Variants in HIPK2 observed in about 807,000 individuals in gnomAD.
The protein encoded by HIPK2 is homeodomain interacting protein kinase 2, also known as homeodomain-interacting protein kinase 2.
HIPK2 carries 27 observed loss-of-function variants against 113.7 expected under a neutral mutation model. The ratio of observed to expected loss-of-function variants is 0.24; its 90% CI spans 0.17 to 0.33. The LOEUF (loss-of-function observed/expected upper bound fraction) is 0.33. HIPK2 is among the 10% of genes least tolerant of loss of function. The pLI, the probability that HIPK2 is intolerant of heterozygous loss-of-function variation, is 1.00. For missense variants in HIPK2, 1,257 were observed against 1,588.0 expected, an observed-to-expected ratio of 0.79 and a Z score of 3.54; for synonymous variants, 631 against 642.2, an observed-to-expected ratio of 0.98 and a Z score of 0.26.
chr7:139,667,925 C>T (rs1211776528), intron 2 of HIPK2, among the ~76,000 whole-genome samples: 2 of 151,518 alleles, frequency 1.3e-5, no homozygotes, highest in African/African-American at 4.9e-5. Context: ...GTCAGGAGTT[C>T]GAGACCAGCC....
intron 2 of HIPK2, among the ~76,000 whole-genome samples, chr7:139,715,172 G>A (rs1448229587): frequency 6.6e-6 from 1 of 152,194 alleles, no homozygotes; most frequent in Non-Finnish European, 1.5e-5. Context: ...CACTGCGGCT[G>A]GCACATATTA....
chr7:139,762,536 T>C (rs1796483472), intron 1 of HIPK2, among the ~76,000 whole-genome samples: 1 of 152,210 alleles, frequency 6.6e-6, no homozygotes. Flanking sequence ...TGTCTCAGAA[T>C]CACCCTTTGA....
intron 6 of HIPK2, among the ~76,000 whole-genome samples, chr7:139,622,538 G>A (rs947714113): frequency 6.6e-6 from 1 of 152,188 alleles, no homozygotes; most frequent in Non-Finnish European, 1.5e-5. Context: ...GAAAGGGCAA[G>A]TCCTTTCACT....
chr7:139,684,983 G>A (rs1367278920), intron 2 of HIPK2, among the ~76,000 whole-genome samples: 1 of 152,138 alleles, frequency 6.6e-6, no homozygotes, highest in African/African-American at 2.4e-5. Flanking sequence ...TGGAAGCTAA[G>A]AGAGGTGAGG....
intron 2 of HIPK2, among the ~76,000 whole-genome samples, chr7:139,665,942 A>G (rs1377128749): frequency 6.9e-6 from 1 of 145,046 alleles, no homozygotes; most frequent in Non-Finnish European, 1.5e-5. Flanking sequence ...GTCAATAAGG[A>G]GGTCTGCCTT....
In HIPK2 at chr7:139,575,269, C is replaced by A. The variant is rs999342280; in HGVS notation, c.2985G>T (p.Ser995=). 1.9e-6 allele frequency: 3 copies of A among 1,573,398 alleles called. No individual in the cohort carries two copies. The highest frequency in any genetic ancestry group is 2.6e-6 in the Non-Finnish European group (3 of 1,159,344). Residue 995 remains serine, a synonymous_variant, in exon 14 of 15, where the codon TCG becomes TCT. Transcript: ENST00000406875. ...TGGAGGACTTGGACTTGTAGGAGGA[C>A]GAGTGGTGACTGGTGTTGACTGTGG... ...SLVPVNTSHH[S]SSYKSKSSSN...
At chr7:139,603,274 T>C (rs969932000) in intron 10 of HIPK2, among the ~76,000 whole-genome samples, 1 of 152,104 alleles carries the variant, frequency 6.6e-6, no homozygotes, top group Non-Finnish European at 1.5e-5. Context: ...GAATGAGAGA[T>C]AGCCCAATAG....
chr7:139,704,908 AC>A (rs759113181), intron 2 of HIPK2, among the ~76,000 whole-genome samples: 43 of 151,910 alleles, frequency 2.8e-4, no homozygotes, highest in Non-Finnish European at 4.7e-4. Flanking sequence ...CAGGAAGTAT[AC>A]CCCCACCTTC....
chr7:139,682,437 T>C (rs1195384376), intron 2 of HIPK2, among the ~76,000 whole-genome samples: 1 of 152,166 alleles, frequency 6.6e-6, no homozygotes, highest in Non-Finnish European at 1.5e-5. Flanking sequence ...TTGAGGCACC[T>C]AGGACAGAGA....
intron 6 of HIPK2, among the ~76,000 whole-genome samples, chr7:139,624,777 C>T (rs1278604908): frequency 6.6e-6 from 1 of 152,214 alleles, no homozygotes; most frequent in Non-Finnish European, 1.5e-5. Context: ...CTGTCTTCTT[C>T]TCTTACCAGC....
intron 1 of HIPK2, among the ~76,000 whole-genome samples, chr7:139,750,128 C>A (rs1289855973): frequency 6.6e-6 from 1 of 152,214 alleles, no homozygotes; most frequent in Non-Finnish European, 1.5e-5. Flanking sequence ...TTTAAAATTG[C>A]AGTATAAAGA....
At position 139,683,607 on chromosome 7, in the gene HIPK2, C is replaced by T. The variant is rs1309955658; in HGVS notation, c.1103+32325G>A. On this transcript the variant is annotated intron_variant, in intron 2 of 14. Transcript: ENST00000406875. This position sits in a 1 kb window ranked among gnomAD's most constrained non-coding sequence, Gnocchi z 4.2. ...TGCCAGATTCTCTGGGTCACACAGA[C>T]CAATCCTGGTGAATACCAGGAGGTG... Among the ~76,000 whole-genome samples, 1 of 152,158 alleles carries T rather than the reference C, an allele frequency of 6.6e-6. No homozygotes were observed. The highest frequency in any genetic ancestry group is 1.5e-5 in the Non-Finnish European group (1 of 68,026).
intron 2 of HIPK2, among the ~76,000 whole-genome samples, chr7:139,668,860 AAAG>A (rs1227738058): frequency 6.6e-6 from 1 of 152,246 alleles, no homozygotes; most frequent in South Asian, 2.1e-4. Flanking sequence ...TGGTGAAGTA[AAAG>A]AAGACTGATG....
chr7:139,707,112 C>A (rs781176836), intron 2 of HIPK2, among the ~76,000 whole-genome samples: 1 of 152,212 alleles, frequency 6.6e-6, no homozygotes, highest in Non-Finnish European at 1.5e-5. Context: ...AGAGGTGGGA[C>A]GGAGCCCTGA....
Position 139,575,194 on chromosome 7 carries a change from G to T in HIPK2, c.3060C>A (p.Ala1020=). 1 of 1,589,086 alleles carries T rather than the reference G, an allele frequency of 6.3e-7. No homozygotes were observed. Among genetic ancestry groups the T allele is most frequent in the Non-Finnish European group, 8.6e-7 (1 of 1,168,048 alleles). ...CCGGCCGCTGCTGCCGGTAGGTGAT[G>T]GCTCCAGATGAGCTCCCTGAAGAGT... is the stretch of plus-strand genomic sequence containing the variant. ...SGHSSGSSSG[A]ITYRQQRPGP... is the part of the protein sequence containing the mutation. The change falls in exon 14 of 15, where the codon GCC becomes GCA. Residue 1020 remains alanine (A), a synonymous_variant. Coordinates refer to ENST00000406875, the MANE Select transcript of HIPK2 (RefSeq NM_022740.5).
chr7:139,730,984 G>C (rs925820168), intron 1 of HIPK2, among the ~76,000 whole-genome samples: 1 of 152,156 alleles, frequency 6.6e-6, no homozygotes, highest in African/African-American at 2.4e-5. Context: ...GCAAGAAGGG[G>C]ATTTACCTGG....
chr7:139,772,579 G>C (rs911689045), intron 1 of HIPK2, among the ~76,000 whole-genome samples: 3 of 151,820 alleles, frequency 2.0e-5, no homozygotes, highest in African/African-American at 7.3e-5. Context: ...AGGAAAATGG[G>C]GTCTTCCCAC....
In HIPK2 at chr7:139,630,303, T is replaced by C. The variant is rs1305344444; in HGVS notation, c.1347+862A>G. Among the ~76,000 whole-genome samples the C allele has an allele frequency of 1.3e-5, 2 of 152,122 alleles. No homozygotes were observed. Among genetic ancestry groups the C allele is most frequent in the East Asian group, 3.9e-4 (2 of 5,190 alleles). Reference sequence around the variant, plus strand: ...TGGGCCTTAGGATATTCCCATGGGCTCACCAGGCAGCCTCCTTTGCCTGGA... The same window carrying C: ...TGGGCCTTAGGATATTCCCATGGGCCCACCAGGCAGCCTCCTTTGCCTGGA... On this transcript the variant is annotated intron_variant, in intron 4 of 14. Transcript: ENST00000406875. This position sits in a 1 kb window ranked among gnomAD's most constrained non-coding sequence, Gnocchi z 4.0.
intron 2 of HIPK2, among the ~76,000 whole-genome samples, chr7:139,693,217 A>G (rs1206581660): frequency 6.6e-6 from 1 of 152,256 alleles, no homozygotes; most frequent in Non-Finnish European, 1.5e-5. Context: ...TGCCTTGTGA[A>G]GAACAGAGAA....
Sources: gnomAD v4.1 joint callset for allele counts (sites outside exome capture counted in the v4.1 genomes callset) on GRCh38, gnomAD v4.1.1 for gene constraint, Gnocchi (gnomAD v3.1) non-coding constraint, MANE v1.5 for transcripts, NCBI Gene and HGNC (gene_info 2026-07-23, HGNC 2026-07-21) for gene names.